The following CPS1 variants were observed in gnomAD, a reference collection of about 807,000 sequenced individuals.
CPS1 encodes the protein carbamoyl-phosphate synthase [ammonia], mitochondrial.
CPS1 carries 109 observed loss-of-function variants against 174.6 expected under a neutral mutation model. The observed-to-expected ratio is 0.62, with a 90% CI of 0.53 to 0.73. CPS1 has a LOEUF of 0.73. CPS1 is among the 30% of genes least tolerant of loss of function. The pLI, the probability that CPS1 is intolerant of heterozygous loss-of-function variation, is 0.00. For synonymous variants in CPS1, 637 were observed against 632.0 expected, an observed-to-expected ratio of 1.01 and a Z score of -0.12; for missense variants, 1,689 against 1,821.9, an observed-to-expected ratio of 0.93 and a Z score of 1.33.
intron 23 of CPS1, 86 bp from the exon 24 acceptor site, chr2:210,639,910 C>T: frequency 1.1e-6 from 1 of 939,734 alleles, no homozygotes; most frequent in South Asian, 1.3e-5. Flanking sequence ...ATGAGAAATA[C>T]ATACTTAATG....
chr2:210,619,336 C>T (rs1041959920), intron 21 of CPS1: 1 of 152,024 alleles, frequency 6.6e-6, no homozygotes, highest in African/African-American at 2.4e-5. Flanking sequence ...TTAATCTCTG[C>T]TTCTAGTTTT....
intron 1 of CPS1, among the ~76,000 whole-genome samples, chr2:210,517,521 T>G (rs1007215297): frequency 1.3e-5 from 2 of 151,982 alleles, no homozygotes; most frequent in African/African-American, 4.8e-5. Flanking sequence ...CTGCCCCACC[T>G]TGAATCGAGG....
At chr2:210,612,484 TATC>T (rs1383392965) in intron 20 of CPS1, among the ~76,000 whole-genome samples, 191 bp downstream of exon 20, 1 of 151,972 alleles carries the variant, frequency 6.6e-6, no homozygotes, top group African/African-American at 2.4e-5. Context: ...AATGATAAAT[TATC>T]ATTTTTATTT....
At chr2:210,532,488 C>G (rs1216946466) in intron 1 of CPS1, among the ~76,000 whole-genome samples, 1 of 152,040 alleles carries the variant, frequency 6.6e-6, no homozygotes, top group East Asian at 1.9e-4. Context: ...TTCTGTTTCT[C>G]TACTGTATCC....
At position 210,590,185 on chromosome 2, in the gene CPS1, G is replaced by A. The variant is rs777265730; in HGVS notation, c.791G>A (p.Gly264Glu). The change falls in exon 8 of 38, where the codon GGA becomes GAA. Residue 264 changes from glycine (G) to glutamate (E), a missense_variant. Gly to Glu is a moderately conservative substitution (Grantham distance 98). Transcript: ENST00000233072. ...TATGATGGGATTTTGATCGCGGGAG[G>A]ACCGGGGAACCCAGCTCTTGCAGAA... Reference protein sequence around the residue: ...MEYDGILIAGGPGNPALAEPL... With the variant: ...MEYDGILIAGEPGNPALAEPL... The A allele has an allele frequency of 6.2e-7, 1 of 1,612,938 alleles. No individual in the cohort carries two copies. The highest frequency in any genetic ancestry group is 1.7e-5 in the Admixed American group (1 of 59,958).
rs192699695 is a variant in CPS1, at chr2:210,600,065, T to A, written c.1550-490T>A. Among the ~76,000 whole-genome samples, 130 of 151,316 alleles carry A rather than the reference T, an allele frequency of 8.6e-4. 1 individual carries two copies. Among genetic ancestry groups the A allele is most frequent in the African/African-American group, 3.1e-3 (127 of 41,220 alleles). On this transcript the variant is annotated intron_variant, in intron 14 of 37. Coordinates refer to ENST00000233072, the MANE Select transcript of CPS1 (RefSeq NM_001875.5). ...TTTGGAACTGGATCATGAATAAGAGTCTCTTTAGCTAGTTTGGGTAAGCAA... is the reference window on the plus strand; with the variant it reads ...TTTGGAACTGGATCATGAATAAGAGACTCTTTAGCTAGTTTGGGTAAGCAA...
intron 7 of CPS1, among the ~76,000 whole-genome samples, chr2:210,589,777 A>G (rs1698223431): frequency 1.3e-5 from 2 of 151,746 alleles, no homozygotes; most frequent in African/African-American, 4.8e-5. Context: ...CTCCCACCTC[A>G]GTTTTCTGGG....
At chr2:210,629,768 G>C (rs1699807600) in intron 21 of CPS1, among the ~76,000 whole-genome samples, 1 of 151,048 alleles carries the variant, frequency 6.6e-6, no homozygotes, top group Admixed American at 6.6e-5. Context: ...TAAGAACCAT[G>C]GGCCGGGCTC....
chr2:210,674,562 A>G (rs952427423), intron 34 of CPS1: 2 of 295,288 alleles, frequency 6.8e-6, no homozygotes, highest in South Asian at 9.8e-5. Flanking sequence ...CCTAACCCGC[A>G]TATCTTTTAA....
At chr2:210,661,301 C>T (rs1373940968) in intron 32 of CPS1, among the ~76,000 whole-genome samples, 2 of 152,028 alleles carry the variant, frequency 1.3e-5, no homozygotes, top group Admixed American at 1.3e-4. Context: ...TGATGGTGCA[C>T]AGAATTATGA....
chr2:210,614,505 C>A (rs1331003056), intron 20 of CPS1, among the ~76,000 whole-genome samples: 1 of 151,968 alleles, frequency 6.6e-6, no homozygotes, highest in Non-Finnish European at 1.5e-5. Flanking sequence ...AACTAATTTA[C>A]ACTCCCACCA....
intron 1 of CPS1, 24 bp downstream of exon 1, chr2:210,556,883 T>C (rs1336365821): frequency 1.2e-6 from 2 of 1,611,750 alleles, no homozygotes; most frequent in Admixed American, 3.3e-5. Flanking sequence ...TGATTGTTTC[T>C]GATAAAATAC....
Position 210,548,898 on chromosome 2 carries a change from C to T in CPS1, c.4-7821C>T, listed in dbSNP as rs115467070. On this transcript the variant is annotated intron_variant, in intron 1 of 38. Coordinates refer to the CPS1 transcript ENST00000430249. ...AAAGCACGGGTCCTATTTCCGATTT[C>T]CAGGAGGGTGGAATGTATCTTCCTG... is the stretch of plus-strand genomic sequence containing the variant. 4.5e-3 allele frequency among the ~76,000 whole-genome samples: 682 copies of T among 152,126 alleles called. 6 individuals carry two copies. The highest frequency in any genetic ancestry group is 0.016 in the African/African-American group (651 of 41,524).
At chr2:210,634,344 G>A (rs900364576) in intron 21 of CPS1, among the ~76,000 whole-genome samples, 4 of 152,164 alleles carry the variant, frequency 2.6e-5, no homozygotes, top group African/African-American at 9.7e-5. Context: ...GCAGCAGAAT[G>A]GTGTGAGCCC....
At chr2:210,512,710 G>C (rs1416707829) in intron 1 of CPS1, among the ~76,000 whole-genome samples, 1 of 110,028 alleles carries the variant, frequency 9.1e-6, no homozygotes, top group Non-Finnish European at 1.9e-5. Context: ...ATTTTCTTTT[G>C]GATACATACA....
At chr2:210,554,602 G>A (rs997961330), upstream of CPS1, among the ~76,000 whole-genome samples, 9 of 151,806 alleles carry the variant, frequency 5.9e-5, no homozygotes, top group African/African-American at 1.9e-4. Context: ...GGTACCTTAG[G>A]GTAATGGGAC....
At chr2:210,514,856 A>T (rs72934339) in intron 1 of CPS1, among the ~76,000 whole-genome samples, 2 of 145,216 alleles carry the variant, frequency 1.4e-5, no homozygotes, top group African/African-American at 5.1e-5. Flanking sequence ...TCTTATTTTC[A>T]GGTACATTGC....
intron 1 of CPS1, among the ~76,000 whole-genome samples, chr2:210,496,097 T>TAGTC (rs1423596512): frequency 6.6e-6 from 1 of 152,194 alleles, no homozygotes; most frequent in Non-Finnish European, 1.5e-5. Context: ...ACATGCCCTG[T>TAGTC]AGTCCATACA....
chr2:210,674,965 T>G lies in CPS1; in HGVS notation c.4161+4T>G. On this transcript the variant is annotated splice_donor_region_variant and intron_variant, in intron 35 of 37. Coordinates refer to ENST00000233072, the MANE Select transcript of CPS1 (RefSeq NM_001875.5). ...ATTACACAATGAAGGTTTCAAGGTA[T>G]GTTCATTAGTTTTAAGTTGTTTTCT... is the stretch of plus-strand genomic sequence containing the variant. 6 of 1,606,582 alleles carry G rather than the reference T, an allele frequency of 3.7e-6. No individual in the cohort carries two copies. Among genetic ancestry groups the G allele is most frequent in the South Asian group, 1.1e-5 (1 of 90,956 alleles).
Sources: allele counts gnomAD v4.1 joint callset (sites outside exome capture counted in the v4.1 genomes callset), GRCh38; gene constraint gnomAD v4.1.1; transcripts MANE v1.5; gene names NCBI Gene and HGNC (gene_info 2026-07-23, HGNC 2026-07-21).